The following IL1RAPL2 variants were observed in gnomAD, a reference collection of about 807,000 sequenced individuals.
The protein encoded by IL1RAPL2 is X-linked interleukin-1 receptor accessory protein-like 2.
A neutral mutation model predicts 44.1 loss-of-function variants in IL1RAPL2; 3 were observed. That is an observed-to-expected ratio of 0.07 (90% CI 0.03 to 0.18). The LOEUF (loss-of-function observed/expected upper bound fraction) is 0.18, where lower values mean the gene tolerates loss of function less well. IL1RAPL2 is among the 10% of genes least tolerant of loss of function. The pLI is 1.00. For synonymous variants in IL1RAPL2, 181 were observed against 178.8 expected, an observed-to-expected ratio of 1.01 and a Z score of -0.10; for missense variants, 391 against 496.4, an observed-to-expected ratio of 0.79 and a Z score of 2.02.
intron 2 of IL1RAPL2, among the ~76,000 whole-genome samples, chrX:104,851,624 C>A (rs1187300909): frequency 9.0e-6 from 1 of 111,629 alleles, no homozygotes; most frequent in African/African-American, 3.3e-5. Flanking sequence ...CATTCAATTC[C>A]AGAGGTCAAG....
chrX:105,070,900 T>C (rs2032199314), intron 2 of IL1RAPL2, among the ~76,000 whole-genome samples: 1 of 110,734 alleles, frequency 9.0e-6, no homozygotes, highest in Non-Finnish European at 1.9e-5. Flanking sequence ...ATATATATGA[T>C]GTTTCTTTGC....
intron 2 of IL1RAPL2, among the ~76,000 whole-genome samples, chrX:104,960,224 G>A (rs2029979865): frequency 1.8e-5 from 2 of 111,865 alleles, no homozygotes; most frequent in South Asian, 7.5e-4. Flanking sequence ...GTTAACTCTA[G>A]AACAGAAAGC....
At chrX:105,034,545 G>T (rs2031584293) in intron 2 of IL1RAPL2, among the ~76,000 whole-genome samples, 1 of 112,157 alleles carries the variant, frequency 8.9e-6, no homozygotes, top group African/African-American at 3.2e-5. Flanking sequence ...AGCGGTGGCT[G>T]TAGAACAGCG....
At chrX:104,808,573 GAGCCAAGTT>G (rs1242906895) in intron 2 of IL1RAPL2, among the ~76,000 whole-genome samples, 5 of 111,389 alleles carry the variant, frequency 4.5e-5, no homozygotes, top group Non-Finnish European at 9.4e-5. Flanking sequence ...GGAGTCGCAA[GAGCCAAGTT>G]AGCAAGCCAA....
At chrX:105,663,312 A>AT (rs2147848449) in intron 6 of IL1RAPL2, among the ~76,000 whole-genome samples, 1 of 112,470 alleles carries the variant, frequency 8.9e-6, no homozygotes, top group South Asian at 3.7e-4. Context: ...CGAAAAGTTA[A>AT]AATTAAAGAC....
chrX:105,074,660 T>C (rs1214595076), intron 2 of IL1RAPL2, among the ~76,000 whole-genome samples: 1 of 106,488 alleles, frequency 9.4e-6, no homozygotes, highest in African/African-American at 3.4e-5. Flanking sequence ...ATATTGATTC[T>C]TCCTACCCAT....
At chrX:104,646,171 G>A (rs1345320567) in intron 1 of IL1RAPL2, among the ~76,000 whole-genome samples, 1 of 111,764 alleles carries the variant, frequency 8.9e-6, no homozygotes, top group East Asian at 2.8e-4. Flanking sequence ...CTTTGAAATG[G>A]TCTTCATGAT....
chrX:104,613,873 G>A (rs1237115253), intron 1 of IL1RAPL2, among the ~76,000 whole-genome samples: 1 of 97,301 alleles, frequency 1.0e-5, no homozygotes, highest in Non-Finnish European at 2.0e-5. Context: ...TTCAGAACTC[G>A]CTATTGGTCT....
chrX:105,429,821 G>T (rs185400748), intron 5 of IL1RAPL2, among the ~76,000 whole-genome samples: 1 of 111,198 alleles, frequency 9.0e-6, no homozygotes, highest in African/African-American at 3.3e-5. Flanking sequence ...AGTTTAACCC[G>T]TGGGCTATAG....
intron 6 of IL1RAPL2, among the ~76,000 whole-genome samples, chrX:105,502,419 T>G (rs895460587): frequency 1.3e-4 from 14 of 111,960 alleles, no homozygotes; most frequent in African/African-American, 4.2e-4. Flanking sequence ...TGAGACCATA[T>G]ACCAGATGTG....
At chrX:105,672,787 G>A (rs749968918) in intron 6 of IL1RAPL2, among the ~76,000 whole-genome samples, 4 of 111,876 alleles carry the variant, frequency 3.6e-5, no homozygotes, top group Admixed American at 9.4e-5. Flanking sequence ...ATTTTTTTCT[G>A]TGATGTTTGG....
intron 2 of IL1RAPL2, among the ~76,000 whole-genome samples, chrX:105,107,086 A>C (rs2032751730): frequency 2.7e-5 from 3 of 112,491 alleles, no homozygotes; most frequent in Admixed American, 1.9e-4. Flanking sequence ...TCACATTGCT[A>C]TTCAGCATAC....
intron 2 of IL1RAPL2, among the ~76,000 whole-genome samples, chrX:105,086,722 G>A (rs2032484484): frequency 9.1e-6 from 1 of 109,982 alleles, no homozygotes; most frequent in Non-Finnish European, 1.9e-5. Flanking sequence ...GTGTGTGTGT[G>A]TGTGTGTATA....
intron 5 of IL1RAPL2, among the ~76,000 whole-genome samples, chrX:105,390,154 G>C (rs964547480): frequency 1.5e-4 from 17 of 111,446 alleles, no homozygotes; most frequent in African/African-American, 5.6e-4. Flanking sequence ...TCAGACAAAA[G>C]ATAAGATACC....
intron 2 of IL1RAPL2, among the ~76,000 whole-genome samples, chrX:104,906,912 G>A (rs1164487915): frequency 9.0e-6 from 1 of 111,608 alleles, no homozygotes; most frequent in East Asian, 2.8e-4. Context: ...ATAGAATTCG[G>A]CTGTGAATCC....
chrX:104,590,329 G>A (rs778154700), intron 1 of IL1RAPL2, among the ~76,000 whole-genome samples: 1 of 112,052 alleles, frequency 8.9e-6, no homozygotes, highest in East Asian at 2.8e-4. Flanking sequence ...ACAGGTATGA[G>A]CCACTGTGCC....
At chrX:104,747,722 G>T (rs919637831) in intron 2 of IL1RAPL2, among the ~76,000 whole-genome samples, 1 of 111,366 alleles carries the variant, frequency 9.0e-6, no homozygotes, top group African/African-American at 3.3e-5. Context: ...CATATGGAAA[G>T]GCCCTGTGGA....
intron 5 of IL1RAPL2, among the ~76,000 whole-genome samples, chrX:105,386,508 C>T (rs1229712841): frequency 1.8e-5 from 2 of 111,471 alleles, no homozygotes; most frequent in Non-Finnish European, 3.8e-5. Context: ...TACAGTACTA[C>T]TTTGTGACAA....
intron 2 of IL1RAPL2, among the ~76,000 whole-genome samples, chrX:105,060,832 C>CAT (rs2032066560): frequency 9.1e-6 from 1 of 109,961 alleles, no homozygotes; most frequent in Admixed American, 9.7e-5. Flanking sequence ...AATTTATTAG[C>CAT]ATATAGTTGC....
Sources: gnomAD v4.1 joint callset for allele counts (sites outside exome capture counted in the v4.1 genomes callset) on GRCh38, gnomAD v4.1.1 for gene constraint, MANE v1.5 for transcripts, NCBI Gene and HGNC (gene_info 2026-07-23, HGNC 2026-07-21) for gene names.